GRIP1: variants seen among roughly 807,000 people sequenced by gnomAD.
GRIP1 encodes glutamate receptor interacting protein 1.
A neutral mutation model predicts 129.9 loss-of-function variants in GRIP1; 45 were observed. That is an observed-to-expected ratio of 0.35 (90% confidence interval 0.27 to 0.44). GRIP1 has a LOEUF of 0.44. Among genes scored for constraint, GRIP1 ranks in the 20% least tolerant of loss-of-function variants. GRIP1 has a pLI of 1.00. For synonymous variants in GRIP1, 530 were observed against 520.8 expected (o/e 1.02, Z -0.24); for missense variants, 1,196 against 1,396.8 (o/e 0.86, Z 2.29).
chr12:66,556,935 A>G (rs191471389), intron 2 of GRIP1, among the ~76,000 whole-genome samples: 146 of 152,190 alleles, frequency 9.6e-4, no homozygotes, highest in African/African-American at 3.4e-3. Flanking sequence ...CCACAAAACA[A>G]CCACAAAACT....
chr12:66,540,376 C>T (rs1352847210), intron 3 of GRIP1, among the ~76,000 whole-genome samples: 2 of 152,180 alleles, frequency 1.3e-5, no homozygotes, highest in African/African-American at 4.8e-5. Context: ...AGAATTAATA[C>T]AACTGAAAAT....
At chr12:66,623,684 C>T (rs899745400) in intron 1 of GRIP1, among the ~76,000 whole-genome samples, 3 of 152,238 alleles carry the variant, frequency 2.0e-5, no homozygotes, top group East Asian at 3.9e-4. Context: ...GAGTCACTTC[C>T]TCATTTCTTC....
chr12:66,467,567 C>T (rs772771979), intron 7 of GRIP1, among the ~76,000 whole-genome samples: 7 of 152,138 alleles, frequency 4.6e-5, no homozygotes, highest in African/African-American at 1.7e-4. Flanking sequence ...TGTTAGTCCC[C>T]GCAGCCTCTG....
intron 1 of GRIP1, among the ~76,000 whole-genome samples, chr12:66,762,154 A>G (rs948840288): frequency 6.6e-6 from 1 of 152,204 alleles, no homozygotes; most frequent in Non-Finnish European, 1.5e-5. Context: ...ATGACATTCA[A>G]TTTTGAGATA....
At chr12:66,478,413 C>T (rs940967044) in intron 7 of GRIP1, among the ~76,000 whole-genome samples, 3 of 152,116 alleles carry the variant, frequency 2.0e-5, no homozygotes, top group Non-Finnish European at 2.9e-5. Context: ...AATAGGAACA[C>T]TTTTACACTG....
At chr12:66,635,113 T>C (rs549535578) in intron 1 of GRIP1, among the ~76,000 whole-genome samples, 1 of 152,244 alleles carries the variant, frequency 6.6e-6, no homozygotes, top group South Asian at 2.1e-4. Context: ...ACCTTAAACA[T>C]TCTTGTTTAA....
intron 1 of GRIP1, among the ~76,000 whole-genome samples, chr12:66,983,961 GCAGCA>G (rs1474315097): frequency 6.6e-6 from 1 of 152,102 alleles, no homozygotes; most frequent in Non-Finnish European, 1.5e-5. Context: ...TCCTATCTTT[GCAGCA>G]CACAGAAGAT....
intron 7 of GRIP1, among the ~76,000 whole-genome samples, chr12:66,512,381 C>T (rs928926141): frequency 6.6e-6 from 1 of 151,970 alleles, no homozygotes; most frequent in Non-Finnish European, 1.5e-5. Context: ...TGGTTTTGAC[C>T]AAAATGCTGA....
At chr12:66,564,130 AT>A (rs140826071) in intron 2 of GRIP1, 57,567 of 153,524 alleles carry the variant, frequency 0.37, 10,984 homozygotes, top group East Asian at 0.41. Context: ...AATATCTCTG[AT>A]TTTTTTTCTT....
At chr12:66,830,745 T>G (rs1176957932) in intron 1 of GRIP1, among the ~76,000 whole-genome samples, 5 of 151,970 alleles carry the variant, frequency 3.3e-5, no homozygotes, top group Non-Finnish European at 5.9e-5. Flanking sequence ...GTTAAATAAC[T>G]TGCTCCAAGG....
At chr12:66,351,413 G>A (rs1321243984) in intron 24 of GRIP1, among the ~76,000 whole-genome samples, 1 of 152,126 alleles carries the variant, frequency 6.6e-6, no homozygotes, top group Non-Finnish European at 1.5e-5. Context: ...AGTAAGCAAG[G>A]TTCAGCTTTT....
chr12:66,764,520 C>G (rs894211399), intron 1 of GRIP1, among the ~76,000 whole-genome samples: 2 of 152,118 alleles, frequency 1.3e-5, no homozygotes, highest in Admixed American at 1.3e-4. Context: ...CAGGAATGTG[C>G]TTTACTTCAT....
intron 1 of GRIP1, among the ~76,000 whole-genome samples, chr12:66,968,989 G>C (rs911451969): frequency 8.6e-5 from 13 of 151,918 alleles, no homozygotes; most frequent in Admixed American, 3.3e-4. Flanking sequence ...AATTTTTATG[G>C]ATTTAGAATT....
At position 66,497,121 on chromosome 12, in the gene GRIP1, T is replaced by C. The variant is rs538143010; in HGVS notation, c.724+18498A>G. Among the ~76,000 whole-genome samples the C allele has an allele frequency of 1.8e-3, 279 of 152,270 alleles. 2 individuals are homozygous for C. Among genetic ancestry groups the C allele is most frequent in the African/African-American group, 6.3e-3 (261 of 41,560 alleles). Reference sequence around the variant, plus strand: ...TGGTGTGTCAGGTACACACTATGCATGTAGTGGCAAAAATGCATACATAAT... The same window carrying C: ...TGGTGTGTCAGGTACACACTATGCACGTAGTGGCAAAAATGCATACATAAT... On this transcript the variant is annotated intron_variant, in intron 7 of 24. Coordinates refer to ENST00000359742, the MANE Select transcript of GRIP1 (RefSeq NM_001366722.1).
chr12:66,574,620 T>A (rs1048331852), intron 2 of GRIP1, among the ~76,000 whole-genome samples: 1 of 152,240 alleles, frequency 6.6e-6, no homozygotes, highest in Non-Finnish European at 1.5e-5. Context: ...CCTCTATTGA[T>A]AGATATTTTA....
At chr12:66,447,639 T>A (rs1043067442) in intron 11 of GRIP1, among the ~76,000 whole-genome samples, 2 of 152,058 alleles carry the variant, frequency 1.3e-5, no homozygotes, top group Admixed American at 6.6e-5. Flanking sequence ...CAAGGCTAAT[T>A]CCCCCTTTTA....
chr12:66,651,261 C>G (rs562334629), intron 1 of GRIP1, among the ~76,000 whole-genome samples: 1 of 152,112 alleles, frequency 6.6e-6, no homozygotes, highest in Non-Finnish European at 1.5e-5. Flanking sequence ...AATTTACATT[C>G]CATAGTTGAA....
chr12:66,717,511 C>T (rs902428002), intron 1 of GRIP1, among the ~76,000 whole-genome samples: 1 of 152,078 alleles, frequency 6.6e-6, no homozygotes, highest in African/African-American at 2.4e-5. Context: ...AGCATCGTGC[C>T]AGAAAACTCA....
intron 1 of GRIP1, among the ~76,000 whole-genome samples, chr12:67,046,971 T>C (rs535007174): frequency 4.6e-5 from 7 of 152,338 alleles, no homozygotes; most frequent in Admixed American, 1.3e-4. Flanking sequence ...ATTTCTAGGC[T>C]ACTAAATTTG....
Sources: allele counts gnomAD v4.1 joint callset (sites outside exome capture counted in the v4.1 genomes callset), GRCh38; gene constraint gnomAD v4.1.1; transcripts MANE v1.5; gene names NCBI Gene and HGNC (gene_info 2026-07-23, HGNC 2026-07-21).